The following ROBO2 variants were observed in gnomAD, a reference collection of about 807,000 sequenced individuals.
ROBO2 encodes the protein roundabout guidance receptor 2.
In ROBO2, 53 loss-of-function variants were observed where a neutral mutation model predicts 160.8. The ratio of observed to expected loss-of-function variants is 0.33; its 90% CI spans 0.26 to 0.41. The LOEUF (loss-of-function observed/expected upper bound fraction) is 0.41, where lower values mean the gene tolerates loss of function less well. ROBO2 is among the 10% of genes least tolerant of loss of function. The probability of loss-of-function intolerance (pLI) is 1.00; values close to 1 mark genes in which losing one functional copy is unlikely to be tolerated. For missense variants in ROBO2, 1,577 were observed against 1,722.4 expected (o/e 0.92, Z 1.49); for synonymous variants, 664 against 611.7 (o/e 1.09, Z -1.26).
At chr3:76,662,369 A>G (rs138976518) in intron 2 of ROBO2, among the ~76,000 whole-genome samples, 30 of 152,250 alleles carry the variant, frequency 2.0e-4, no homozygotes, top group East Asian at 1.4e-3. Flanking sequence ...GTAGGTGTAT[A>G]TATTTATGGG....
At position 76,946,689 on chromosome 3, in the gene ROBO2, C is replaced by T. The variant is rs533124131; in HGVS notation, c.110-151325C>T. On this transcript the variant is annotated intron_variant, in intron 2 of 26. Coordinates refer to the ROBO2 transcript ENST00000487694. Reference sequence around the variant, plus strand: ...CTAACCTCAAGTGATCTGCCTGCCTCAGCCTCCGAAGATGTTGGGATTACA... The same window carrying T: ...CTAACCTCAAGTGATCTGCCTGCCTTAGCCTCCGAAGATGTTGGGATTACA... 1.1e-4 allele frequency among the ~76,000 whole-genome samples: 16 copies of T among 152,272 alleles called. No homozygotes were observed. The South Asian group carries it at 3.3e-3, about 32-fold the overall frequency.
At chr3:76,496,123 C>T (rs187975993) in intron 2 of ROBO2, among the ~76,000 whole-genome samples, 42 of 152,250 alleles carry the variant, frequency 2.8e-4, no homozygotes, top group East Asian at 1.7e-3. Flanking sequence ...ATTTTCATTT[C>T]GAGATTGTTG....
chr3:76,814,295 C>G (rs187255228), intron 2 of ROBO2, among the ~76,000 whole-genome samples: 1 of 151,954 alleles, frequency 6.6e-6, no homozygotes, highest in Admixed American at 6.6e-5. Context: ...AGAGATGGTG[C>G]GAGAAAGAAT....
intron 20 of ROBO2, 51 bp from the exon 22 acceptor site, chr3:77,607,747 C>A: frequency 6.5e-7 from 1 of 1,541,012 alleles, no homozygotes; most frequent in Non-Finnish European, 9.0e-7. Flanking sequence ...CTGATGTATT[C>A]TCTTTATTCT....
At chr3:76,613,123 T>G (rs1458268947) in intron 2 of ROBO2, among the ~76,000 whole-genome samples, 1 of 152,188 alleles carries the variant, frequency 6.6e-6, no homozygotes, top group African/African-American at 2.4e-5. Flanking sequence ...TATTGAAAAG[T>G]AAGGACTTAC....
chr3:76,558,337 T>A (rs1193194977), intron 2 of ROBO2, among the ~76,000 whole-genome samples: 4 of 122,628 alleles, frequency 3.3e-5, no homozygotes, highest in Non-Finnish European at 6.9e-5. Flanking sequence ...ATAATTTTCT[T>A]AAGTTAGAAG....
intron 2 of ROBO2, among the ~76,000 whole-genome samples, chr3:76,003,523 A>G (rs2065943977): frequency 6.6e-6 from 1 of 152,194 alleles, no homozygotes; most frequent in African/African-American, 2.4e-5. Context: ...CAGTTTCCAT[A>G]TGTGCCAATT....
At chr3:77,055,920 G>A (rs1440386481) in intron 1 of ROBO2, among the ~76,000 whole-genome samples, 1 of 152,162 alleles carries the variant, frequency 6.6e-6, no homozygotes, top group African/African-American at 2.4e-5. Flanking sequence ...GTTGTGAAAT[G>A]CAATAAATTG....
intron 23 of ROBO2, 96 bp from the exon 25 acceptor site, chr3:77,634,774 T>A: frequency 3.5e-6 from 4 of 1,142,710 alleles, no homozygotes; most frequent in Non-Finnish European, 5.3e-6. Context: ...TATCTCTAGG[T>A]AGATTTACAG....
rs556649605 is a variant in ROBO2, at chr3:76,854,232, GA to G, written c.110-243781del. On this transcript the variant is annotated intron_variant, in intron 2 of 26. Transcript: ENST00000487694. ...ACATCTACAAGTAATCCATTGTATGGATGAACCATGATTTATATAACCTGCT... is the reference window on the plus strand; with the variant it reads ...ACATCTACAAGTAATCCATTGTATGGTGAACCATGATTTATATAACCTGCT... Among the ~76,000 whole-genome samples, 5 of 152,008 alleles carry G rather than the reference GA, an allele frequency of 3.3e-5. No homozygotes were observed. The South Asian group carries it at 1.0e-3, about 32-fold the overall frequency.
chr3:76,512,813 A>G (rs1180170913), intron 2 of ROBO2, among the ~76,000 whole-genome samples: 1 of 152,198 alleles, frequency 6.6e-6, no homozygotes, highest in African/African-American at 2.4e-5. Context: ...TGTATATACA[A>G]ATATCTCAAA....
chr3:75,984,762 G>A (rs1040996936), intron 2 of ROBO2, among the ~76,000 whole-genome samples: 2 of 151,354 alleles, frequency 1.3e-5, no homozygotes, highest in African/African-American at 4.8e-5. Context: ...AGTGATAGAA[G>A]ACCTGAAAAT....
intron 2 of ROBO2, among the ~76,000 whole-genome samples, chr3:77,160,482 T>C (rs1253887428): frequency 1.3e-5 from 2 of 152,216 alleles, no homozygotes; most frequent in Non-Finnish European, 2.9e-5. Flanking sequence ...ATTAGACATT[T>C]TTAAATTACT....
rs541596158 is a variant in ROBO2, at chr3:76,330,348, G to A, written c.109+392746G>A. 5.9e-5 allele frequency among the ~76,000 whole-genome samples: 9 copies of A among 151,740 alleles called. No individual in the cohort carries two copies. The South Asian group carries it at 1.9e-3, about 31-fold the overall frequency. ...TACATTATGATATTTTTGGAAATAA[G>A]TCTTTTTTGCACCATTAAATAGCAT... On this transcript the variant is annotated intron_variant, in intron 2 of 26. Transcript: ENST00000487694.
At chr3:76,323,493 G>T (rs935911522) in intron 2 of ROBO2, among the ~76,000 whole-genome samples, 2 of 152,096 alleles carry the variant, frequency 1.3e-5, no homozygotes, top group African/African-American at 4.8e-5. Context: ...TTAAAATAAA[G>T]ACAAATGAGT....
chr3:76,616,692 T>C lies in ROBO2; in HGVS notation c.110-481322T>C, dbSNP rs1215271537. Among the ~76,000 whole-genome samples, 3 of 152,296 alleles carry C rather than the reference T, an allele frequency of 2.0e-5. No individual in the cohort carries two copies. The East Asian group carries it at 5.8e-4, about 29-fold the overall frequency. ...CTCCAAACAAAGATATGTAATAACA[T>C]GTAAGACATATTGCCAACCAAGGAA... On this transcript the variant is annotated intron_variant, in intron 2 of 26. Transcript: ENST00000487694.
intron 2 of ROBO2, among the ~76,000 whole-genome samples, chr3:76,245,838 A>C (rs1448459937): frequency 6.6e-6 from 1 of 152,162 alleles, no homozygotes; most frequent in Non-Finnish European, 1.5e-5. Flanking sequence ...CATACTTCAA[A>C]GGTCTGCTAC....
intron 2 of ROBO2, among the ~76,000 whole-genome samples, chr3:76,622,269 A>AGAAAGAAAGAAG (rs2089246728): frequency 1.8e-5 from 1 of 56,922 alleles, no homozygotes; most frequent in Non-Finnish European, 3.8e-5. Flanking sequence ...AAAGAAAGAA[A>AGAAAGAAAGAAG]GAAAGAAAGA....
intron 2 of ROBO2, among the ~76,000 whole-genome samples, chr3:76,373,833 G>A (rs557086791): frequency 1.3e-3 from 197 of 152,064 alleles, no homozygotes; most frequent in African/African-American, 4.5e-3. Flanking sequence ...TAAGCTGATC[G>A]TTGCTGGGCT....
Sources: gnomAD v4.1 joint callset for allele counts (sites outside exome capture counted in the v4.1 genomes callset) on GRCh38, gnomAD v4.1.1 for gene constraint, MANE v1.5 for transcripts, NCBI Gene and HGNC (gene_info 2026-07-23, HGNC 2026-07-21) for gene names.